The following EFCAB7 variants were observed in gnomAD, a reference collection of about 807,000 sequenced individuals.
EFCAB7 encodes the protein EF-hand calcium binding domain 7.
In EFCAB7, 66 loss-of-function variants were observed where a neutral mutation model predicts 77.1. The ratio of observed to expected loss-of-function variants is 0.86; its 90% CI spans 0.70 to 1.05. The LOEUF (loss-of-function observed/expected upper bound fraction) is 1.05, where lower values mean the gene tolerates loss of function less well. Ranked by LOEUF, EFCAB7 falls within the 50% of genes least tolerant of loss-of-function variation. The pLI is 0.00. For synonymous variants in EFCAB7, 225 were observed against 243.3 expected (o/e 0.92, Z 0.70); for missense variants, 638 against 730.5 (o/e 0.87, Z 1.46).
At chr1:63,562,483 A>AAAAAACTTTTTTTTTTTT (rs1647118915) in intron 11 of EFCAB7, among the ~76,000 whole-genome samples, 1 of 75,464 alleles carries the variant, frequency 1.3e-5, no homozygotes, top group African/African-American at 6.1e-5. Flanking sequence ...ATATATATAT[A>AAAAAACTTTTTTTTTTTT]TATATATATA....
chr1:63,542,065 A>ATCCC (rs1646835757), intron 6 of EFCAB7, among the ~76,000 whole-genome samples: 2 of 152,188 alleles, frequency 1.3e-5, no homozygotes, highest in Admixed American at 6.5e-5. Flanking sequence ...GGACTTTTTC[A>ATCCC]TCTGGAACTC....
chr1:63,530,318 TG>T (rs1250511693), intron 2 of EFCAB7, among the ~76,000 whole-genome samples: 1 of 152,224 alleles, frequency 6.6e-6, no homozygotes, highest in African/African-American at 2.4e-5. Flanking sequence ...TAAAGATAGT[TG>T]GAACTATCCA....
In EFCAB7 at chr1:63,532,754, A is replaced by C. The variant is rs151059690; in HGVS notation, c.484A>C (p.Lys162Gln). The C allele has an allele frequency of 1.9e-6, 3 of 1,597,210 alleles. No homozygotes were observed. Among genetic ancestry groups the C allele is most frequent in the Non-Finnish European group, 2.6e-6 (3 of 1,173,920 alleles). Reference sequence around the variant, plus strand: ...TGCTGATGGCAAATTTGACTACATCAAGGTACATAAGCTCACATTGATGTA... The same window carrying C: ...TGCTGATGGCAAATTTGACTACATCCAGGTACATAAGCTCACATTGATGTA... ...VNADGKFDYIKFCKLYMTTNE... is the reference protein window; with the variant it reads ...VNADGKFDYIQFCKLYMTTNE... The change falls in exon 4 of 14, where the codon AAG becomes CAG. Residue 162 changes from lysine to glutamine, a missense_variant and splice_region_variant. By Grantham distance (53) the Lys-to-Gln change is moderately conservative. Transcript: ENST00000371088.
At chr1:63,573,608 T>G (rs217466), downstream of EFCAB7, among the ~76,000 whole-genome samples, 53,028 of 151,650 alleles carry the variant, frequency 0.35, 9,415 homozygotes, top group East Asian at 0.48. Flanking sequence ...TAAACAAGAG[T>G]AGGGCATTTA....
chr1:63,535,080 A>G (rs1416180813), intron 6 of EFCAB7, among the ~76,000 whole-genome samples: 2 of 152,086 alleles, frequency 1.3e-5, no homozygotes, highest in African/African-American at 4.8e-5. Flanking sequence ...GTATTTTGCA[A>G]CTAAATTAAT....
At chr1:63,570,995 C>CA in intron 12 of EFCAB7, 26 bp from the exon 13 acceptor site, 1 of 1,485,634 alleles carries the variant, frequency 6.7e-7, no homozygotes, top group Non-Finnish European at 9.3e-7. Flanking sequence ...AAAGGAATAG[C>CA]AGCTTATGAA....
chr1:63,561,944 T>G, intron 11 of EFCAB7, 87 bp downstream of exon 11: 3 of 976,244 alleles, frequency 3.1e-6, no homozygotes, highest in Non-Finnish European at 4.1e-6. Context: ...AACTTTCGAA[T>G]TGGGCACCCA....
At chr1:63,562,114 G>A (rs954266252) in intron 11 of EFCAB7, among the ~76,000 whole-genome samples, 4 of 151,524 alleles carry the variant, frequency 2.6e-5, no homozygotes, top group African/African-American at 7.3e-5. Context: ...AAAAAAATTT[G>A]GTATTAAAAA....
chr1:63,540,089 G>A (rs1159662963), intron 6 of EFCAB7, among the ~76,000 whole-genome samples: 7 of 152,046 alleles, frequency 4.6e-5, no homozygotes, highest in African/African-American at 2.4e-5. Context: ...TGGGCCAGGC[G>A]CAGTGGCTCA....
Sources: gnomAD v4.1 joint callset for allele counts (sites outside exome capture counted in the v4.1 genomes callset) on GRCh38, gnomAD v4.1.1 for gene constraint, MANE v1.5 for transcripts, NCBI Gene and HGNC (gene_info 2026-07-23, HGNC 2026-07-21) for gene names.